C4orf50: variants seen among roughly 807,000 people sequenced by gnomAD.
C4orf50 encodes the protein chromosome 4 open reading frame 50, also known as uncharacterized protein C4orf50.
In C4orf50, 80 loss-of-function variants were observed where a neutral mutation model predicts 77.2. That is an observed-to-expected ratio of 1.04 (90% confidence interval 0.87 to 1.25). C4orf50 has a LOEUF of 1.25. Among genes scored for constraint, C4orf50 ranks in the 50% most tolerant of loss-of-function variants. The probability of loss-of-function intolerance (pLI) is 0.00; values close to 1 mark genes in which losing one functional copy is unlikely to be tolerated. For synonymous variants in C4orf50, 532 were observed against 465.3 expected (o/e 1.14, Z -1.84); for missense variants, 1,257 against 1,152.9 (o/e 1.09, Z -1.31).
In C4orf50 at chr4:6,008,200, C is replaced by G; in HGVS notation, c.759G>C (p.Glu253Asp). The G allele has an allele frequency of 2.5e-6, 1 of 397,894 alleles. No individual in the cohort carries two copies. Among genetic ancestry groups the G allele is most frequent in the Non-Finnish European group, 4.4e-6 (1 of 225,512 alleles). 24.6% of individuals were successfully genotyped at this position (397,894 alleles called of 1,614,324 possible). A position where few individuals can be genotyped will look rare whatever the true frequency, so the allele number is the denominator to read the frequency against. Residue 253 changes from glutamate (E) to aspartate (D), a missense_variant, in exon 25 of 34, where the codon GAG (glutamate) becomes GAC (aspartate). Coordinates refer to ENST00000531445, the Ensembl canonical transcript of C4orf50. This position sits in a 1 kb window ranked among gnomAD's most constrained non-coding sequence, Gnocchi z 6.0. ...GCAGGCTGCGCGCCGCCTCTTCCCG[C>G]TCGCGCTCGCTGCGCTCTGCCCTCG...
intron 7 of C4orf50, among the ~76,000 whole-genome samples, chr4:5,924,142 G>A (rs2108740182): frequency 6.6e-6 from 1 of 152,254 alleles, no homozygotes; most frequent in East Asian, 1.9e-4. Flanking sequence ...GACTCAGACT[G>A]GCTTCCTGGC....
chr4:5,992,756 G>A lies in C4orf50; in HGVS notation c.1221+47C>T, dbSNP rs1330191428. 7.5e-6 allele frequency: 3 copies of A among 399,000 alleles called. No homozygotes were observed. The highest frequency in any genetic ancestry group is 8.8e-5 in the Admixed American group (2 of 22,722). 24.7% of individuals were successfully genotyped at this position (399,000 alleles called of 1,614,324 possible). A position where few individuals can be genotyped will look rare whatever the true frequency, so the allele number is the denominator to read the frequency against. On this transcript the variant is annotated intron_variant, in intron 27 of 33. Coordinates refer to ENST00000531445, the Ensembl canonical transcript of C4orf50. This position sits in a 1 kb window ranked among gnomAD's most constrained non-coding sequence, Gnocchi z 5.0. ...ATAGCCTGCATGAGGCAGGGCTGAG[G>A]GGAACCAGTGGCACTGCACACACAC...
chr4:5,912,256 C>CGTGTGTGTGTGT (rs58017259), intron 7 of C4orf50, among the ~76,000 whole-genome samples: 2,628 of 146,382 alleles, frequency 0.018, 44 homozygotes, highest in South Asian at 0.028. Context: ...GCACTCCACT[C>CGTGTGTGTGTGT]GTGTGTGTGT....
intron 31 of C4orf50, among the ~76,000 whole-genome samples, chr4:5,972,661 A>C (rs1184949755): frequency 1.3e-5 from 2 of 152,178 alleles, no homozygotes; most frequent in Admixed American, 6.5e-5. Context: ...CTGCAGAGAG[A>C]GACTCAGACC....
chr4:5,956,006 C>T (rs147614661), downstream of C4orf50, among the ~76,000 whole-genome samples: 1 of 152,288 alleles, frequency 6.6e-6, no homozygotes, highest in African/African-American at 2.4e-5. Context: ...ATGTTAACCT[C>T]CTCTGACCCA....
exon 28 of C4orf50, chr4:5,989,229 C>A (rs956566572): frequency 6.5e-7 from 1 of 1,535,938 alleles, no homozygotes; most frequent in African/African-American, 1.4e-5. Context: ...CATGTAAAAT[C>A]TGGCTTCTCT....
exon 34 of C4orf50, chr4:5,959,292 C>G: frequency 6.8e-7 from 1 of 1,471,186 alleles, no homozygotes; most frequent in Non-Finnish European, 9.2e-7. Context: ...TGATTGCTAC[C>G]AATTTCTTAA....
exon 28 of C4orf50, chr4:5,990,169 G>C: frequency 1.6e-6 from 2 of 1,251,112 alleles, no homozygotes; most frequent in Non-Finnish European, 2.0e-6. Context: ...CTGTAGAAGA[G>C]GCATCAAAAA....
In C4orf50 at chr4:5,908,573, A is replaced by AG. The variant is rs1000798845; in HGVS notation, c.*2475-10386dup. ...GCAGGGAGACGACCATGCGATGGGGAGGGGGGAAAGCCCTGGGGTATCAGA... is the reference window on the plus strand; with the variant it reads ...GCAGGGAGACGACCATGCGATGGGGAGGGGGGGAAAGCCCTGGGGTATCAGA... On this transcript the variant is annotated intron_variant, in intron 7 of 7. Coordinates refer to the C4orf50 transcript ENST00000324058. This position sits in a 1 kb window ranked among gnomAD's most constrained non-coding sequence, Gnocchi z 5.6. Among the ~76,000 whole-genome samples the AG allele has an allele frequency of 1.1e-4, 17 of 152,102 alleles. No homozygotes were observed. The highest frequency in any genetic ancestry group is 4.1e-4 in the African/African-American group (17 of 41,532).
In C4orf50 at chr4:5,958,607, T is replaced by C. The variant is rs1719099431; in HGVS notation, c.*768A>G. On this transcript the variant is annotated 3_prime_UTR_variant, in exon 34 of 34. Transcript: ENST00000531445. This position sits in a 1 kb window ranked among gnomAD's most constrained non-coding sequence, Gnocchi z 5.4. ...TTTACTCACAGGAGTATCTCTCCCA[T>C]TGTCCTGTGAGGTCCCCGGCGCCAG... is the stretch of plus-strand genomic sequence containing the variant. 6.6e-6 allele frequency: 1 copy of C among 152,188 alleles called. No homozygotes were observed. The highest frequency in any genetic ancestry group is 1.5e-5 in the Non-Finnish European group (1 of 68,058). The allele number at this position is 152,188 out of a possible 1,614,324, so 9.4% of individuals were successfully genotyped here. A position where few individuals can be genotyped will look rare whatever the true frequency, so the allele number is the denominator to read the frequency against.
rs978957906 is a variant in C4orf50, at chr4:6,008,784, T to C, written c.427-252A>G. Among the ~76,000 whole-genome samples the C allele has an allele frequency of 6.6e-6, 1 of 152,080 alleles. No individual in the cohort carries two copies. Among genetic ancestry groups the C allele is most frequent in the Non-Finnish European group, 1.5e-5 (1 of 68,012 alleles). ...CCTGCACCTTCAACAGCTCCCTGAG[T>C]CCTGGAAGGGAGCTGTGCAGGTGGC... On this transcript the variant is annotated intron_variant, in intron 24 of 33. Transcript: ENST00000531445. The surrounding 1 kb of genome is among the most constrained non-coding windows in gnomAD (Gnocchi z 6.0).
At position 6,011,473 on chromosome 4, in the gene C4orf50, G is replaced by A. The variant is rs61095995; in HGVS notation, c.426+357C>T. Among the ~76,000 whole-genome samples the A allele has an allele frequency of 2.3e-4, 35 of 152,118 alleles. No individual in the cohort carries two copies. The highest frequency in any genetic ancestry group is 8.4e-4 in the African/African-American group (35 of 41,506). On this transcript the variant is annotated intron_variant, in intron 24 of 33. Coordinates refer to ENST00000531445, the Ensembl canonical transcript of C4orf50. The surrounding 1 kb of genome is among the most constrained non-coding windows in gnomAD (Gnocchi z 4.2). ...CATGGGGGATCGCACACTCCCCCAT[G>A]GCACCCCACATCCGGGTTTAGAGTT...
At chr4:5,937,157 A>G (rs986601261) in intron 7 of C4orf50, among the ~76,000 whole-genome samples, 6 of 152,146 alleles carry the variant, frequency 3.9e-5, no homozygotes, top group African/African-American at 7.2e-5. Flanking sequence ...AAAAAAATAC[A>G]AGAAAGAACG....
chr4:5,910,933 G>A (rs568935503), intron 7 of C4orf50, among the ~76,000 whole-genome samples: 27 of 108,114 alleles, frequency 2.5e-4, no homozygotes, highest in Non-Finnish European at 4.6e-4. Context: ...TTTTTGAGAC[G>A]GAGTCTCTGT....
At position 5,963,033 on chromosome 4, in the gene C4orf50, G is replaced by T. The variant is rs1474376163; in HGVS notation, c.4275+1991C>A. On this transcript the variant is annotated intron_variant, in intron 33 of 33. Coordinates refer to ENST00000531445, the Ensembl canonical transcript of C4orf50. Reference sequence around the variant, plus strand: ...TTTTTTTTTTTTGAGATGGAGTCTCGCTCTGTTGCCCTGGCTGGAGTGCAG... The same window carrying T: ...TTTTTTTTTTTTGAGATGGAGTCTCTCTCTGTTGCCCTGGCTGGAGTGCAG... 2.8e-5 allele frequency among the ~76,000 whole-genome samples: 4 copies of T among 143,936 alleles called. No individual in the cohort carries two copies. In the East Asian group the frequency reaches 6.6e-4, roughly 24 times the overall value. The allele number at this position is 143,936 out of a possible 152,430, so 94.4% of individuals were successfully genotyped here.
chr4:5,973,664 G>C, exon 31 of C4orf50: 1 of 1,610,966 alleles, frequency 6.2e-7, no homozygotes, highest in Non-Finnish European at 8.5e-7. Context: ...TCTACCTCTG[G>C]GACTCCCGGA....
At chr4:5,921,092 G>T (rs1031338647) in intron 7 of C4orf50, among the ~76,000 whole-genome samples, 1 of 152,208 alleles carries the variant, frequency 6.6e-6, no homozygotes, top group South Asian at 2.1e-4. Context: ...GCTGGTCCAG[G>T]AAGAGCCAGG....
intron 7 of C4orf50, among the ~76,000 whole-genome samples, chr4:5,911,672 G>A (rs1010915732): frequency 3.9e-5 from 6 of 152,202 alleles, no homozygotes; most frequent in African/African-American, 1.4e-4. Context: ...GGCCCTGGTG[G>A]GGAACAGAAA....
chr4:6,011,712 C>T lies in C4orf50; in HGVS notation c.426+118G>A, dbSNP rs1286023523. The T allele has an allele frequency of 1.3e-5, 5 of 397,974 alleles. No homozygotes were observed. The highest frequency in any genetic ancestry group is 2.2e-5 in the Non-Finnish European group (5 of 226,052). The allele number at this position is 397,974 out of a possible 1,614,324, so 24.7% of individuals were successfully genotyped here. A position where few individuals can be genotyped will look rare whatever the true frequency, so the allele number is the denominator to read the frequency against. On this transcript the variant is annotated intron_variant, in intron 24 of 33. Coordinates refer to ENST00000531445, the Ensembl canonical transcript of C4orf50. The surrounding 1 kb of genome is among the most constrained non-coding windows in gnomAD (Gnocchi z 4.2). ...ATGAACGTAGGATCTCTCTAACCCT[C>T]CTGACTGGGCTCTCCCAGGCCCACC... is the stretch of plus-strand genomic sequence containing the variant.
Sources: allele counts gnomAD v4.1 joint callset (sites outside exome capture counted in the v4.1 genomes callset), GRCh38; gene constraint gnomAD v4.1.1; non-coding constraint Gnocchi (gnomAD v3.1); transcripts MANE v1.5; gene names NCBI Gene and HGNC (gene_info 2026-07-23, HGNC 2026-07-21).